Variants in DEAF1 observed in about 807,000 individuals in gnomAD.
The protein encoded by DEAF1 is deformed epidermal autoregulatory factor 1 homolog.
Under a neutral mutation model 58.9 loss-of-function variants are expected in DEAF1, and 53 were observed. The observed-to-expected ratio is 0.90, with a 90% CI of 0.72 to 1.13. DEAF1 has a LOEUF of 1.13. Ranked by LOEUF, DEAF1 falls within the 50% of genes most tolerant of loss-of-function variation. DEAF1 has a pLI of 0.00. For missense variants in DEAF1, 685 were observed against 791.4 expected, an observed-to-expected ratio of 0.87 and a Z score of 1.61; for synonymous variants, 385 against 340.4, an observed-to-expected ratio of 1.13 and a Z score of -1.44.
chr11:652,440 C>A (rs1858818903), intron 11 of DEAF1, among the ~76,000 whole-genome samples: 1 of 152,120 alleles, frequency 6.6e-6, no homozygotes, highest in African/African-American at 2.4e-5. Context: ...AAGTTTGAGA[C>A]CAGCCTGGGC....
intron 10 of DEAF1, among the ~76,000 whole-genome samples, chr11:654,979 G>T (rs1858975104): frequency 6.6e-6 from 1 of 151,520 alleles, no homozygotes; most frequent in Non-Finnish European, 1.5e-5. Context: ...GACCATCCTG[G>T]CTAACACGGT....
upstream of DEAF1, chr11:699,528 C>G (rs1861347861): frequency 6.5e-6 from 1 of 154,086 alleles, no homozygotes; most frequent in South Asian, 2.0e-4. Context: ...GGACAGATCA[C>G]TTGACACCAG....
chr11:681,956 G>A (rs991462319), intron 6 of DEAF1, among the ~76,000 whole-genome samples: 1 of 152,194 alleles, frequency 6.6e-6, no homozygotes, highest in Non-Finnish European at 1.5e-5. Context: ...CTTTTGTTAA[G>A]AATCAGACAC....
At position 688,293 on chromosome 11, in the gene DEAF1, T is replaced by TA; in HGVS notation, c.517+37_517+38insT. On this transcript the variant is annotated intron_variant, in intron 3 of 11. Coordinates refer to ENST00000382409, the MANE Select transcript of DEAF1 (RefSeq NM_021008.4). The surrounding 1 kb of genome is among the most constrained non-coding windows in gnomAD (Gnocchi z 4.3). ...AATAAATTCTAGCTATTCTGAAACG[T>TA]GTTTTGCCCGAGGCCTGGGGTGCAG... 1 of 1,605,442 alleles carries TA rather than the reference T, an allele frequency of 6.2e-7. No homozygotes were observed. The highest frequency in any genetic ancestry group is 1.3e-5 in the African/African-American group (1 of 74,598).
At chr11:704,560 G>A in intron 1 of DEAF1, 1 of 1,289,254 alleles carries the variant, frequency 7.8e-7, no homozygotes, top group Non-Finnish European at 1.0e-6. Context: ...GGGCACACCT[G>A]CCATCTGGAG....
chr11:679,834 C>T lies in DEAF1; in HGVS notation c.998-18G>A, dbSNP rs937206260. The T allele has an allele frequency of 1.2e-6, 2 of 1,612,398 alleles. No homozygotes were observed. Among genetic ancestry groups the T allele is most frequent in the African/African-American group, 1.3e-5 (1 of 75,074 alleles). On this transcript the variant is annotated intron_variant, in intron 7 of 11. Coordinates refer to ENST00000382409, the MANE Select transcript of DEAF1 (RefSeq NM_021008.4). ...CACGGTGACTGGAAAGGCAGAAGCA[C>T]ATTTCACGCGGCCAGGCAGTGGCGC...
At chr11:648,339 C>T (rs1297581635) in intron 11 of DEAF1, among the ~76,000 whole-genome samples, 4 of 151,932 alleles carry the variant, frequency 2.6e-5, no homozygotes, top group African/African-American at 7.3e-5. Flanking sequence ...GGACTACAGG[C>T]GCCCACCACC....
chr11:661,834 C>T (rs916772006), intron 10 of DEAF1, among the ~76,000 whole-genome samples: 8 of 152,182 alleles, frequency 5.3e-5, no homozygotes, highest in Non-Finnish European at 1.0e-4. Context: ...ACACGTGGAC[C>T]TTTCCATTCA....
At chr11:696,188 A>G (rs1413102804), upstream of DEAF1, among the ~76,000 whole-genome samples, 1 of 151,934 alleles carries the variant, frequency 6.6e-6, no homozygotes, top group Non-Finnish European at 1.5e-5. Flanking sequence ...GTAGCCTTGG[A>G]ACTCTCGCCA....
intron 5 of DEAF1, 89 bp downstream of exon 5, chr11:686,769 G>A (rs1046009273): frequency 1.3e-5 from 21 of 1,576,154 alleles, no homozygotes; most frequent in Admixed American, 3.4e-5. Flanking sequence ...GTCTGACCCC[G>A]TGGTCTGTGC....
At chr11:702,963 C>T (rs1251273314) in intron 1 of DEAF1, 14 of 1,609,348 alleles carry the variant, frequency 8.7e-6, no homozygotes, top group African/African-American at 1.3e-5. Context: ...GGCAACCTGA[C>T]AGAGGCTGAG....
At chr11:676,973 G>C (rs893639675) in intron 9 of DEAF1, among the ~76,000 whole-genome samples, 2 of 152,138 alleles carry the variant, frequency 1.3e-5, no homozygotes, top group African/African-American at 4.8e-5. Context: ...TGCCCACCAA[G>C]GGCACCTGGG....
intron 1 of DEAF1, chr11:700,347 G>A (rs1861389932): frequency 2.0e-6 from 2 of 999,144 alleles, no homozygotes; most frequent in Middle Eastern, 4.9e-4. Context: ...GCCAACATGG[G>A]GAAACCCCAT....
chr11:653,083 CAAAAAAAAAAAAAA>C lies in DEAF1; in HGVS notation c.1593+865_1593+878del, dbSNP rs71022946. Among the ~76,000 whole-genome samples the C allele has an allele frequency of 8.0e-3, 497 of 62,298 alleles. 7 individuals are homozygous for C. The highest frequency in any genetic ancestry group is 0.019 in the South Asian group (29 of 1,538). 40.9% of individuals were successfully genotyped at this position (62,298 alleles called of 152,430 possible). A position where few individuals can be genotyped will look rare whatever the true frequency, so the allele number is the denominator to read the frequency against. ...TGGGTGACAGAATGAGACTCTGTCTCAAAAAAAAAAAAAAAAAAAAAAAAAAAGAGTGACTAAAT... is the reference window on the plus strand; with the variant it reads ...TGGGTGACAGAATGAGACTCTGTCTCAAAAAAAAAAAAAGAGTGACTAAAT... On this transcript the variant is annotated intron_variant, in intron 11 of 11. Transcript: ENST00000382409.
chr11:683,890 A>G (rs1466595531), intron 6 of DEAF1, among the ~76,000 whole-genome samples: 1 of 152,122 alleles, frequency 6.6e-6, no homozygotes, highest in Admixed American at 6.6e-5. Context: ...GCCCCTGCAA[A>G]TGATCTACCT....
chr11:676,750 C>T (rs963740784), intron 9 of DEAF1, among the ~76,000 whole-genome samples: 7 of 152,140 alleles, frequency 4.6e-5, no homozygotes, highest in African/African-American at 1.7e-4. Context: ...GTGATCCACC[C>T]GCCTCGGCCT....
Position 680,003 on chromosome 11 carries a change from ACCAGGATGG to A in DEAF1, c.998-196_998-188del, listed in dbSNP as rs1021187952. ...CTTGGAGAAGACCTCACAGGAGAAA[ACCAGGATGG>A]CCAGGATGGCAACTTGCCACTACCA... On this transcript the variant is annotated intron_variant, in intron 7 of 11. Coordinates refer to ENST00000382409, the MANE Select transcript of DEAF1 (RefSeq NM_021008.4). The A allele has an allele frequency of 4.3e-5, 25 of 586,160 alleles. No individual in the cohort carries two copies. In the African/African-American group the frequency reaches 5.9e-4, roughly 14 times the overall value. The allele number at this position is 586,160 out of a possible 1,614,324, so 36.3% of individuals were successfully genotyped here.
chr11:646,282 T>C (rs1047542638), intron 11 of DEAF1: 4 of 142,668 alleles, frequency 2.8e-5, no homozygotes, highest in Admixed American at 2.1e-4. Context: ...AAATTAAAAT[T>C]ACCTGGTAAT....
At chr11:666,535 C>G (rs1288930318) in intron 10 of DEAF1, 2 of 152,144 alleles carry the variant, frequency 1.3e-5, no homozygotes, top group African/African-American at 4.8e-5. Context: ...GAAACCTCCT[C>G]TCTACCAAAA....
Sources: gnomAD v4.1 joint callset for allele counts (sites outside exome capture counted in the v4.1 genomes callset) on GRCh38, gnomAD v4.1.1 for gene constraint, Gnocchi (gnomAD v3.1) non-coding constraint, MANE v1.5 for transcripts, NCBI Gene and HGNC (gene_info 2026-07-23, HGNC 2026-07-21) for gene names.